The following TPST2 variants were observed in gnomAD, a reference collection of about 807,000 sequenced individuals.
TPST2 encodes protein-tyrosine sulfotransferase 2.
A neutral mutation model predicts 27.8 loss-of-function variants in TPST2; 16 were observed. The observed-to-expected ratio is 0.58, with a 90% CI of 0.39 to 0.88. The LOEUF (loss-of-function observed/expected upper bound fraction) is 0.88, where lower values mean the gene tolerates loss of function less well. Among genes scored for constraint, TPST2 ranks in the 40% least tolerant of loss-of-function variants. The pLI is 0.00. For missense variants in TPST2, 464 were observed against 543.1 expected, an observed-to-expected ratio of 0.85 and a Z score of 1.45; for synonymous variants, 229 against 231.7, an observed-to-expected ratio of 0.99 and a Z score of 0.10.
At chr22:26,569,987 AAG>A (rs1569193750) in intron 1 of TPST2, among the ~76,000 whole-genome samples, 1 of 6,934 alleles carries the variant, frequency 1.4e-4, no homozygotes, top group Non-Finnish European at 2.2e-4. Context: ...AAAGAAAAGA[AAG>A]AAAAAGAAAG....
At chr22:26,563,884 A>C (rs1265025685) in intron 1 of TPST2, among the ~76,000 whole-genome samples, 1 of 151,900 alleles carries the variant, frequency 6.6e-6, no homozygotes, top group Non-Finnish European at 1.5e-5. Context: ...TTTTAACCAG[A>C]CCCCAGGCGT....
chr22:26,530,649 A>G (rs1411330073), intron 5 of TPST2, among the ~76,000 whole-genome samples: 1 of 151,468 alleles, frequency 6.6e-6, no homozygotes, highest in Non-Finnish European at 1.5e-5. Context: ...AAAAGGAATC[A>G]GCAGGAGCAG....
intron 1 of TPST2, among the ~76,000 whole-genome samples, chr22:26,578,561 G>A (rs1370287780): frequency 1.3e-5 from 2 of 152,184 alleles, no homozygotes; most frequent in South Asian, 2.1e-4. Context: ...AAGGTCCTCA[G>A]AGAAGGAAGA....
At chr22:26,559,279 T>C (rs1926962312) in intron 1 of TPST2, among the ~76,000 whole-genome samples, 1 of 152,220 alleles carries the variant, frequency 6.6e-6, no homozygotes, top group African/African-American at 2.4e-5. Flanking sequence ...GGCAGGAGAA[T>C]CGCTTGAACT....
chr22:26,567,846 C>T (rs962199351), intron 1 of TPST2, among the ~76,000 whole-genome samples: 1 of 152,146 alleles, frequency 6.6e-6, no homozygotes, highest in Non-Finnish European at 1.5e-5. Context: ...GAAACAAATG[C>T]AAATTTAAAG....
chr22:26,584,660 G>A (rs1928268796), intron 1 of TPST2, among the ~76,000 whole-genome samples: 1 of 151,840 alleles, frequency 6.6e-6, no homozygotes, highest in African/African-American at 2.4e-5. Context: ...GCAAGACCCT[G>A]TCTCAAAACA....
intron 1 of TPST2, among the ~76,000 whole-genome samples, chr22:26,545,806 G>A (rs1014093806): frequency 2.0e-5 from 3 of 152,198 alleles, no homozygotes; most frequent in Non-Finnish European, 4.4e-5. Flanking sequence ...CAGGCCTGGG[G>A]TGGTGGCTCA....
chr22:26,570,156 A>G (rs890892513), intron 1 of TPST2, among the ~76,000 whole-genome samples: 1 of 152,112 alleles, frequency 6.6e-6, no homozygotes, highest in Middle Eastern at 3.2e-3. Context: ...TGGCTGGGGT[A>G]TGCTACCCGC....
intron 1 of TPST2, among the ~76,000 whole-genome samples, chr22:26,561,278 A>G (rs1927077526): frequency 6.6e-6 from 1 of 152,172 alleles, no homozygotes; most frequent in Admixed American, 6.5e-5. Context: ...ATTTGTTTTT[A>G]AACTGTACAG....
chr22:26,565,440 T>C (rs1018724512), intron 1 of TPST2: 1 of 152,668 alleles, frequency 6.6e-6, no homozygotes, highest in South Asian at 2.1e-4. Context: ...CCAGTCTTGT[T>C]GCTCACCTGT....
intron 1 of TPST2, among the ~76,000 whole-genome samples, chr22:26,587,042 A>G (rs1237575938): frequency 6.6e-6 from 1 of 152,110 alleles, no homozygotes; most frequent in Non-Finnish European, 1.5e-5. Flanking sequence ...CACATAGGAC[A>G]CTCCGGTGGC....
rs1925834875 is a variant in TPST2 at position 26,541,546 on chromosome 22, G to T, written c.85C>A (p.Leu29Ile). ...CCCGCCAGCACCGCCCGGCACTCTA[G>T]CACCTGCTGTCCCAGCTGAACCGCC... ...VLAVQLGQQV[L>I]ECRAVLAGLR... The change falls in exon 3 of 7, where the codon CTA becomes ATA. Residue 29 changes from leucine (L) to isoleucine (I), a missense_variant. Physicochemically the swap from Leu to Ile is conservative, Grantham distance 5. Transcript: ENST00000338754. This position sits in a 1 kb window ranked among gnomAD's most constrained non-coding sequence, Gnocchi z 5.9. 1 of 1,611,228 alleles carries T rather than the reference G, an allele frequency of 6.2e-7. No homozygotes were observed.
chr22:26,538,050 T>C (rs1295725880), intron 3 of TPST2, among the ~76,000 whole-genome samples: 3 of 152,228 alleles, frequency 2.0e-5, no homozygotes, highest in Non-Finnish European at 4.4e-5. Context: ...CCAAGCCACC[T>C]GAATGATGCA....
At chr22:26,578,024 T>C (rs547274914) in intron 1 of TPST2, among the ~76,000 whole-genome samples, 1 of 152,260 alleles carries the variant, frequency 6.6e-6, no homozygotes, top group South Asian at 2.1e-4. Context: ...GGAATATCAG[T>C]AATGTTCATG....
At chr22:26,568,972 T>TC (rs1927490283) in intron 1 of TPST2, among the ~76,000 whole-genome samples, 1 of 150,800 alleles carries the variant, frequency 6.6e-6, no homozygotes, top group Admixed American at 6.7e-5. Flanking sequence ...CACGCCATTC[T>TC]CCTGCCTCAG....
chr22:26,553,251 G>A (rs946690874), intron 1 of TPST2, among the ~76,000 whole-genome samples: 1 of 151,930 alleles, frequency 6.6e-6, no homozygotes, highest in Admixed American at 6.6e-5. Context: ...TGTACAATTC[G>A]GGAAAACAAA....
At chr22:26,529,217 C>T (rs1305580921) in intron 5 of TPST2, among the ~76,000 whole-genome samples, 1 of 152,036 alleles carries the variant, frequency 6.6e-6, no homozygotes, top group Non-Finnish European at 1.5e-5. Flanking sequence ...ACCTCCGCGT[C>T]CTGAGCTCAA....
At position 26,544,628 on chromosome 22, in the gene TPST2, G is replaced by C; in HGVS notation, c.-113C>G. 1.0e-6 allele frequency: 1 copy of C among 985,942 alleles called. No individual in the cohort carries two copies. Among genetic ancestry groups the C allele is most frequent in the Non-Finnish European group, 1.2e-6 (1 of 830,012 alleles). 61.1% of individuals were successfully genotyped at this position (985,942 alleles called of 1,614,324 possible). On this transcript the variant is annotated 5_prime_UTR_variant, in exon 2 of 7. Coordinates refer to ENST00000338754, the MANE Select transcript of TPST2 (RefSeq NM_003595.5). ...CCTCCCTTGGGCACTCTCATCTCTG[G>C]GCTCCAGCCCTTGTGCCTGTGTGCC...
At chr22:26,538,229 G>C (rs1827078001) in intron 3 of TPST2, among the ~76,000 whole-genome samples, 1 of 152,174 alleles carries the variant, frequency 6.6e-6, no homozygotes, top group African/African-American at 2.4e-5. Context: ...GGAGAACAGG[G>C]GAAGGTGAAA....
Sources: gnomAD v4.1 joint callset for allele counts (sites outside exome capture counted in the v4.1 genomes callset) on GRCh38, gnomAD v4.1.1 for gene constraint, Gnocchi (gnomAD v3.1) non-coding constraint, MANE v1.5 for transcripts, NCBI Gene and HGNC (gene_info 2026-07-23, HGNC 2026-07-21) for gene names.